IL18R1: variants seen among roughly 807,000 people sequenced by gnomAD.
IL18R1 encodes the protein interleukin-18 receptor 1.
IL18R1 carries 40 observed loss-of-function variants against 48.5 expected under a neutral mutation model. The observed-to-expected ratio is 0.82, with a 90% confidence interval of 0.64 to 1.07. IL18R1 has a LOEUF of 1.07. Ranked by LOEUF, IL18R1 falls within the 50% of genes least tolerant of loss-of-function variation. IL18R1 has a pLI of 0.00. For missense variants in IL18R1, 596 were observed against 633.7 expected, an observed-to-expected ratio of 0.94 and a Z score of 0.64; for synonymous variants, 232 against 225.9, an observed-to-expected ratio of 1.03 and a Z score of -0.24.
intron 9 of IL18R1, 88 bp downstream of exon 9, chr2:102,390,305 ATATTGT>A: frequency 8.3e-7 from 1 of 1,201,324 alleles, no homozygotes; most frequent in Non-Finnish European, 1.2e-6. Context: ...TATTGTGATG[ATATTGT>A]AGAATTAATC....
chr2:102,368,900 A>C (rs1679072221), intron 3 of IL18R1, among the ~76,000 whole-genome samples: 1 of 152,182 alleles, frequency 6.6e-6, no homozygotes, highest in Non-Finnish European at 1.5e-5. Context: ...AGTCCTGATC[A>C]TTATCAACCA....
Position 102,384,933 on chromosome 2 carries a change from T to G in IL18R1, c.744T>G (p.Tyr248Ter). 1.2e-6 allele frequency: 2 copies of G among 1,610,916 alleles called. No individual in the cohort carries two copies. The highest frequency in any genetic ancestry group is 1.7e-6 in the Non-Finnish European group (2 of 1,177,362). The change falls in exon 7 of 11, where the codon TAT becomes TAG. Residue 248 changes from tyrosine (Y) to a stop codon, truncating the protein, a stop_gained. Transcript: ENST00000233957. LOFTEE classifies it high-confidence loss of function. The stretch of plus-strand genomic sequence containing the variant: ...TGCTGAATGAAGAGGATGTAATTTA[T>G]TGGATGTTCGGGGAAGAAAATGGAT... ...SALLNEEDVI[Y>*]WMFGEENGSD... is the part of the protein sequence containing the mutation.
chr2:102,358,074 G>A (rs181522735), intron 1 of IL18R1, among the ~76,000 whole-genome samples: 85 of 152,212 alleles, frequency 5.6e-4, no homozygotes, highest in African/African-American at 2.0e-3. Flanking sequence ...TGTATGTGTT[G>A]CTAATGAGTG....
At chr2:102,391,855 T>A (rs1680581848) in intron 9 of IL18R1, among the ~76,000 whole-genome samples, 2 of 152,246 alleles carry the variant, frequency 1.3e-5, no homozygotes, top group Non-Finnish European at 2.9e-5. Flanking sequence ...TGTATTTCCT[T>A]TCTCAACACA....
At chr2:102,373,543 A>G (rs180918951) in intron 4 of IL18R1, among the ~76,000 whole-genome samples, 2 of 152,208 alleles carry the variant, frequency 1.3e-5, no homozygotes, top group Non-Finnish European at 2.9e-5. Context: ...GCAAACCACC[A>G]TGGCACGTGT....
intron 4 of IL18R1, among the ~76,000 whole-genome samples, chr2:102,372,735 A>T: frequency 6.6e-6 from 1 of 151,976 alleles, no homozygotes; most frequent in East Asian, 1.9e-4. Flanking sequence ...TTCAGTTTTT[A>T]TGTGCCTGGT....
rs1403547858 is a variant in IL18R1, at chr2:102,396,826, A to G, written c.1566A>G (p.Ala522=). 1 of 1,611,934 alleles carries G rather than the reference A, an allele frequency of 6.2e-7. No individual in the cohort carries two copies. Residue 522 remains alanine, a synonymous_variant, in exon 11 of 11, where the codon GCA becomes GCG. Coordinates refer to ENST00000233957, the MANE Select transcript of IL18R1 (RefSeq NM_003855.5). The part of the protein sequence containing the change: ...FWKNLLYLMP[A]KTVKPGRDEP... ...AGAACCTTCTTTACTTAATGCCTGC[A>G]AAAACAGTCAAGCCAGGTAGAGACG...
chr2:102,381,986 A>G (rs961417247), intron 6 of IL18R1, among the ~76,000 whole-genome samples: 2 of 152,078 alleles, frequency 1.3e-5, no homozygotes, highest in Non-Finnish European at 2.9e-5. Context: ...AAATATGAAA[A>G]TTTAGGCCGG....
intron 1 of IL18R1, among the ~76,000 whole-genome samples, chr2:102,357,809 G>T (rs1678340246): frequency 6.6e-6 from 1 of 152,120 alleles, no homozygotes; most frequent in Non-Finnish European, 1.5e-5. Context: ...CTATGAGGTG[G>T]CATTGATTTT....
In IL18R1 at chr2:102,364,119, T is replaced by C. The variant is rs1678747669; in HGVS notation, c.58+1401T>C. Among the ~76,000 whole-genome samples, 3 of 152,192 alleles carry C rather than the reference T, an allele frequency of 2.0e-5. No homozygotes were observed. In the South Asian group the frequency reaches 6.2e-4, roughly 32 times the overall value. On this transcript the variant is annotated intron_variant, in intron 2 of 10. Transcript: ENST00000233957. ...CAACCTCCCACCTCTGGAGAGTGTG[T>C]AATTCACATTAAGTTTCTTCAAATG... is the stretch of plus-strand genomic sequence containing the variant.
chr2:102,373,521 T>C (rs994329075), intron 4 of IL18R1, among the ~76,000 whole-genome samples: 21 of 151,982 alleles, frequency 1.4e-4, no homozygotes, highest in Non-Finnish European at 2.2e-4. Context: ...AGATGACAAA[T>C]TGATGGGTTC....
chr2:102,364,038 A>C (rs943721683), intron 2 of IL18R1, among the ~76,000 whole-genome samples: 2 of 152,220 alleles, frequency 1.3e-5, no homozygotes, highest in Non-Finnish European at 2.9e-5. Context: ...AACCATGATT[A>C]GATATCCAAA....
chr2:102,390,954 A>G (rs1680537780), intron 9 of IL18R1, among the ~76,000 whole-genome samples: 1 of 148,518 alleles, frequency 6.7e-6, no homozygotes, highest in African/African-American at 2.5e-5. Context: ...AAAAAAAGAG[A>G]GAGAAAAAGA....
Position 102,394,519 on chromosome 2 carries a change from G to A in IL18R1, c.1162G>A (p.Glu388Lys), listed in dbSNP as rs1467463269. Residue 388 changes from glutamate (E) to lysine (K), a missense_variant, in exon 10 of 11, where the codon GAA becomes AAA. Physicochemically the swap from Glu to Lys is moderately conservative, Grantham distance 56. Coordinates refer to ENST00000233957, the MANE Select transcript of IL18R1 (RefSeq NM_003855.5). Reference sequence around the variant, plus strand: ...GTCTTACCTAAAAGAATGCCGACCTGAAAATGGAGAGGAGCACACCTTTGC... The same window carrying A: ...GTCTTACCTAAAAGAATGCCGACCTAAAAATGGAGAGGAGCACACCTTTGC... ...FVSYLKECRP[E>K]NGEEHTFAVE... The A allele has an allele frequency of 1.9e-6, 3 of 1,613,248 alleles. No individual in the cohort carries two copies. Among genetic ancestry groups the A allele is most frequent in the Non-Finnish European group, 2.5e-6 (3 of 1,179,460 alleles).
At chr2:102,388,739 T>C (rs1680390057) in intron 8 of IL18R1, among the ~76,000 whole-genome samples, 1 of 152,200 alleles carries the variant, frequency 6.6e-6, no homozygotes, top group African/African-American at 2.4e-5. Context: ...TGTGACACAG[T>C]TATGACTATG....
At chr2:102,357,384 G>A (rs959444508) in intron 1 of IL18R1, among the ~76,000 whole-genome samples, 5 of 152,016 alleles carry the variant, frequency 3.3e-5, no homozygotes, top group African/African-American at 1.2e-4. Flanking sequence ...CCAGCTACTC[G>A]GGAGGCTGAG....
chr2:102,396,851 G>A lies in IL18R1; in HGVS notation c.1591G>A (p.Glu531Lys), dbSNP rs766842885. ...PAKTVKPGRD[E>K]PEVLPVLSES Reference sequence around the variant, plus strand: ...AAAAACAGTCAAGCCAGGTAGAGACGAACCGGAAGTCTTGCCTGTTCTTTC... The same window carrying A: ...AAAAACAGTCAAGCCAGGTAGAGACAAACCGGAAGTCTTGCCTGTTCTTTC... Residue 531 changes from glutamate (E) to lysine (K), a missense_variant, in exon 11 of 11, where the codon GAA (glutamate) becomes AAA (lysine). By Grantham distance (56) the Glu-to-Lys change is moderately conservative. Transcript: ENST00000233957. 6 of 1,601,658 alleles carry A rather than the reference G, an allele frequency of 3.7e-6. No individual in the cohort carries two copies. Among genetic ancestry groups the A allele is most frequent in the East Asian group, 4.5e-5 (2 of 44,834 alleles).
At chr2:102,364,830 C>G (rs940554322) in intron 2 of IL18R1, among the ~76,000 whole-genome samples, 30 of 152,114 alleles carry the variant, frequency 2.0e-4, no homozygotes, top group African/African-American at 7.0e-4. Context: ...TCCTTCTTCA[C>G]ATGGTGGCAT....
At chr2:102,395,363 T>C (rs1337874165) in intron 10 of IL18R1, among the ~76,000 whole-genome samples, 1 of 152,130 alleles carries the variant, frequency 6.6e-6, no homozygotes, top group Non-Finnish European at 1.5e-5. Flanking sequence ...AAACAAATGT[T>C]TGATTATTAC....
Sources: gnomAD v4.1 joint callset for allele counts (sites outside exome capture counted in the v4.1 genomes callset) on GRCh38, gnomAD v4.1.1 for gene constraint, MANE v1.5 for transcripts, NCBI Gene and HGNC (gene_info 2026-07-23, HGNC 2026-07-21) for gene names.